Variants in CACNA1E observed in about 807,000 individuals in gnomAD.
CACNA1E encodes the protein voltage-dependent R-type calcium channel subunit alpha-1E.
In CACNA1E, 40 loss-of-function variants were observed where a neutral mutation model predicts 259.2. The ratio of observed to expected loss-of-function variants is 0.15; its 90% CI spans 0.12 to 0.20. The LOEUF (loss-of-function observed/expected upper bound fraction) is 0.20, where lower values mean the gene tolerates loss of function less well. Among genes scored for constraint, CACNA1E ranks in the 10% least tolerant of loss-of-function variants. The pLI, the probability that CACNA1E is intolerant of heterozygous loss-of-function variation, is 1.00. For synonymous variants in CACNA1E, 1,104 were observed against 1,138.5 expected (o/e 0.97, Z 0.61); for missense variants, 1,874 against 3,040.1 (o/e 0.62, Z 9.02).
intron 7 of CACNA1E, among the ~76,000 whole-genome samples, chr1:181,680,754 G>A (rs1248311872): frequency 1.3e-5 from 2 of 152,088 alleles, no homozygotes; most frequent in Non-Finnish European, 2.9e-5. Flanking sequence ...ACCTCCTTGG[G>A]GCGCTTGAAA....
chr1:181,680,105 CAAAAAAAAAAAAAAAAAAAAA>C lies in CACNA1E; in HGVS notation c.1055+28673_1055+28693del, dbSNP rs56198008. 2.8e-4 allele frequency among the ~76,000 whole-genome samples: 22 copies of C among 78,504 alleles called. 1 individual carries two copies. Among genetic ancestry groups the C allele is most frequent in the African/African-American group, 9.9e-4 (21 of 21,288 alleles). 51.5% of individuals were successfully genotyped at this position (78,504 alleles called of 152,430 possible). The stretch of plus-strand genomic sequence containing the variant: ...TGCATGACAGAGTGAGACCTTGTCT[CAAAAAAAAAAAAAAAAAAAAA>C]AAAAAAAAGAGTCCCCAATCTCAGC... On this transcript the variant is annotated intron_variant, in intron 7 of 47. Transcript: ENST00000367573.
At chr1:181,430,252 A>G in intron 2 of CACNA1E, among the ~76,000 whole-genome samples, 1 of 152,224 alleles carries the variant, frequency 6.6e-6, no homozygotes. Flanking sequence ...ATGACCAAAA[A>G]AATTAAGGAG....
chr1:181,708,978 G>T (rs918090199), intron 7 of CACNA1E, among the ~76,000 whole-genome samples: 3 of 152,162 alleles, frequency 2.0e-5, no homozygotes, highest in African/African-American at 7.2e-5. Context: ...GAGGTTGAGA[G>T]ACCAGCCGGG....
intron 19 of CACNA1E, 101 bp downstream of exon 19, chr1:181,731,332 G>A (rs1655455388): frequency 4.6e-6 from 4 of 865,520 alleles, no homozygotes; most frequent in Non-Finnish European, 7.7e-6. Flanking sequence ...GGGTGTGCAT[G>A]TCAGTGTGTG....
intron 3 of CACNA1E, among the ~76,000 whole-genome samples, chr1:181,522,239 C>T (rs1033816518): frequency 6.6e-6 from 1 of 152,158 alleles, no homozygotes; most frequent in Non-Finnish European, 1.5e-5. Flanking sequence ...TGTACCAAAA[C>T]CCAGTCTACA....
chr1:181,472,573 A>G (rs1436251066), intron 2 of CACNA1E, among the ~76,000 whole-genome samples: 2 of 151,906 alleles, frequency 1.3e-5, no homozygotes, highest in African/African-American at 4.8e-5. Context: ...GTACCTGTAA[A>G]TATAATAGTA....
intron 6 of CACNA1E, among the ~76,000 whole-genome samples, chr1:181,632,259 C>G (rs1656818764): frequency 6.6e-6 from 1 of 152,054 alleles, no homozygotes; most frequent in Middle Eastern, 3.2e-3. Context: ...TGTGCCTTTC[C>G]TCTTTTCTTG....
intron 1 of CACNA1E, among the ~76,000 whole-genome samples, chr1:181,500,139 T>A (rs1296049020): frequency 6.6e-6 from 1 of 152,140 alleles, no homozygotes; most frequent in Non-Finnish European, 1.5e-5. Flanking sequence ...AAGGACAGAG[T>A]AAGGCTCACC....
intron 6 of CACNA1E, among the ~76,000 whole-genome samples, chr1:181,641,817 G>A (rs368836563): frequency 9.4e-4 from 137 of 145,816 alleles, no homozygotes; most frequent in South Asian, 1.7e-3. Flanking sequence ...GGGTTCAAGC[G>A]ATTCTTCTGC....
At chr1:181,689,381 T>C (rs1650912088) in intron 7 of CACNA1E, among the ~76,000 whole-genome samples, 2 of 152,376 alleles carry the variant, frequency 1.3e-5, no homozygotes, top group East Asian at 1.9e-4. Context: ...CAGTCTATCA[T>C]TGATGGGCAT....
intron 1 of CACNA1E, among the ~76,000 whole-genome samples, chr1:181,328,235 G>C (rs892211427): frequency 2.0e-5 from 3 of 152,132 alleles, no homozygotes; most frequent in African/African-American, 7.2e-5. Context: ...CCTTCTCGCT[G>C]TGTCCTCACA....
At chr1:181,437,736 T>G (rs1660187316) in intron 2 of CACNA1E, among the ~76,000 whole-genome samples, 1 of 152,214 alleles carries the variant, frequency 6.6e-6, no homozygotes, top group South Asian at 2.1e-4. Context: ...CTTGCTCCTC[T>G]GCTATACCCC....
At chr1:181,323,659 AT>A (rs1237006786) in intron 1 of CACNA1E, among the ~76,000 whole-genome samples, 4 of 152,232 alleles carry the variant, frequency 2.6e-5, no homozygotes, top group Non-Finnish European at 5.9e-5. Context: ...TGTGAGGAAC[AT>A]TTTATATTTC....
intron 3 of CACNA1E, among the ~76,000 whole-genome samples, chr1:181,577,230 T>C (rs1366095660): frequency 6.6e-6 from 1 of 152,240 alleles, no homozygotes; most frequent in Admixed American, 6.5e-5. Flanking sequence ...ACTGATACTA[T>C]GTGAAGACCA....
chr1:181,400,654 G>A (rs968161917), intron 1 of CACNA1E, among the ~76,000 whole-genome samples: 1 of 152,134 alleles, frequency 6.6e-6, no homozygotes, highest in South Asian at 2.1e-4. Flanking sequence ...CTGAAGACAG[G>A]AAATCTTCAG....
intron 6 of CACNA1E, among the ~76,000 whole-genome samples, chr1:181,636,984 AC>A (rs1222388787): frequency 6.6e-6 from 1 of 152,038 alleles, no homozygotes; most frequent in East Asian, 1.9e-4. Context: ...TTCAATATGC[AC>A]CCCCATCCCT....
At chr1:181,318,740 A>C (rs950039317) in intron 1 of CACNA1E, among the ~76,000 whole-genome samples, 1 of 152,164 alleles carries the variant, frequency 6.6e-6, no homozygotes, top group Non-Finnish European at 1.5e-5. Context: ...GCGACTCGGG[A>C]CTGCTGTAGG....
chr1:181,596,455 G>A (rs191374779), intron 6 of CACNA1E, among the ~76,000 whole-genome samples: 8 of 152,296 alleles, frequency 5.3e-5, no homozygotes, highest in African/African-American at 1.4e-4. Context: ...TAGAGGGCAG[G>A]TGTACAAGGA....
intron 34 of CACNA1E, among the ~76,000 whole-genome samples, chr1:181,766,301 G>C (rs1450176236): frequency 1.3e-5 from 2 of 152,194 alleles, no homozygotes; most frequent in Admixed American, 1.3e-4. Flanking sequence ...TTATGGGTGA[G>C]TGAATCTCCC....
Sources: allele counts gnomAD v4.1 joint callset (sites outside exome capture counted in the v4.1 genomes callset), GRCh38; gene constraint gnomAD v4.1.1; transcripts MANE v1.5; gene names NCBI Gene and HGNC (gene_info 2026-07-23, HGNC 2026-07-21).